The following NFYB variants were observed in gnomAD, a reference collection of about 807,000 sequenced individuals.
NFYB encodes CAAT box DNA-binding protein subunit B.
In NFYB, 13 loss-of-function variants were observed where a neutral mutation model predicts 28.0. That is an observed-to-expected ratio of 0.46 (90% CI 0.30 to 0.74). The LOEUF (loss-of-function observed/expected upper bound fraction) is 0.74. NFYB is among the 30% of genes least tolerant of loss of function. The pLI is 0.07. For synonymous variants in NFYB, 74 were observed against 75.0 expected, an observed-to-expected ratio of 0.99 and a Z score of 0.07; for missense variants, 142 against 247.6, an observed-to-expected ratio of 0.57 and a Z score of 2.86.
At chr12:104,131,165 G>C (rs892354669) in intron 2 of NFYB, 1 of 152,254 alleles carries the variant, frequency 6.6e-6, no homozygotes, top group South Asian at 2.1e-4. Context: ...TGGACTAACA[G>C]CATTAGCCTC....
At chr12:104,128,676 T>C (rs2030814712) in intron 2 of NFYB, 159 bp from the exon 3 acceptor site, 2 of 410,382 alleles carry the variant, frequency 4.9e-6, no homozygotes, top group South Asian at 6.4e-5. Context: ...AAAAATTAAT[T>C]ATTTTTTTGA....
At chr12:104,136,781 T>C (rs778835557) in intron 1 of NFYB, among the ~76,000 whole-genome samples, 2 of 152,184 alleles carry the variant, frequency 1.3e-5, no homozygotes, top group South Asian at 4.1e-4. Flanking sequence ...TATATTTTCT[T>C]AAGGGCAGGT....
chr12:104,120,516 C>A, intron 6 of NFYB, 37 bp from the exon 7 acceptor site: 5 of 1,399,076 alleles, frequency 3.6e-6, no homozygotes, highest in Non-Finnish European at 5.1e-6. Context: ...GGGAAATGAA[C>A]TATATCTACT....
At chr12:104,136,859 C>T (rs1466527355) in intron 1 of NFYB, among the ~76,000 whole-genome samples, 1 of 152,150 alleles carries the variant, frequency 6.6e-6, no homozygotes, top group Admixed American at 6.5e-5. Context: ...AAATTTGTAT[C>T]CAAGAAAAGC....
At chr12:104,136,301 T>G (rs1293375007) in intron 1 of NFYB, among the ~76,000 whole-genome samples, 1 of 152,140 alleles carries the variant, frequency 6.6e-6, no homozygotes, top group African/African-American at 2.4e-5. Context: ...AGGGGTAGGA[T>G]GCCAAAACAA....
At chr12:104,128,723 G>C in intron 2 of NFYB, 1 of 265,568 alleles carries the variant, frequency 3.8e-6, no homozygotes, top group South Asian at 5.0e-5. Flanking sequence ...CTGGAGTGCA[G>C]TGGCGTGATC....
In NFYB at chr12:104,135,499, A is replaced by T; in HGVS notation, c.-46T>A. 1 of 1,539,868 alleles carries T rather than the reference A, an allele frequency of 6.5e-7. No homozygotes were observed. The highest frequency in any genetic ancestry group is 8.8e-7 in the Non-Finnish European group (1 of 1,141,928). On this transcript the variant is annotated 5_prime_UTR_variant, in exon 2 of 8. Transcript: ENST00000240055. Reference sequence around the variant, plus strand: ...TTGTCAGTGGTGCTGAAGAACACCTATCTAAAAAGGTGTCTAATCTTTGTG... The same window carrying T: ...TTGTCAGTGGTGCTGAAGAACACCTTTCTAAAAAGGTGTCTAATCTTTGTG...
At chr12:104,137,801 G>C (rs1160716822) in intron 1 of NFYB, 1 of 147,432 alleles carries the variant, frequency 6.8e-6, no homozygotes, top group Non-Finnish European at 1.5e-5. Context: ...ACGCCGTCGA[G>C]AGCGGGGCCC....
At chr12:104,131,343 A>T (rs764898642) in intron 2 of NFYB, 1 of 170,040 alleles carries the variant, frequency 5.9e-6, no homozygotes, top group Non-Finnish European at 1.3e-5. Context: ...CATCTGCTTA[A>T]CTGTATGTGT....
intron 5 of NFYB, among the ~76,000 whole-genome samples, chr12:104,122,585 C>T (rs748029686): frequency 2.0e-5 from 3 of 152,146 alleles, no homozygotes; most frequent in Non-Finnish European, 2.9e-5. Context: ...TTGTGAACTG[C>T]GCATGCAAGG....
At chr12:104,137,506 T>C (rs563536349) in intron 1 of NFYB, 50 of 152,142 alleles carry the variant, frequency 3.3e-4, no homozygotes, top group Non-Finnish European at 6.5e-4. Flanking sequence ...CCCCACGGCC[T>C]GGTCCCGGCG....
At chr12:104,132,630 G>A (rs2030966179) in intron 2 of NFYB, among the ~76,000 whole-genome samples, 1 of 152,212 alleles carries the variant, frequency 6.6e-6, no homozygotes, top group Non-Finnish European at 1.5e-5. Context: ...GACTGATAGA[G>A]ATACAGGAAG....
intron 3 of NFYB, 131 bp downstream of exon 3, chr12:104,128,293 C>T (rs1029457037): frequency 3.8e-6 from 2 of 526,836 alleles, no homozygotes; most frequent in Non-Finnish European, 6.6e-6. Context: ...TAGACTTTCT[C>T]ATTGAACCGT....
At chr12:104,123,520 CTTTAT>C (rs1263652289) in intron 4 of NFYB, 97 bp from the exon 5 acceptor site, 1 of 873,832 alleles carries the variant, frequency 1.1e-6, no homozygotes, top group Non-Finnish European at 1.8e-6. Context: ...CACATCTTCA[CTTTAT>C]GACTATTTAA....
chr12:104,135,758 C>A lies in NFYB; in HGVS notation c.-79-226G>T, dbSNP rs564757135. Among the ~76,000 whole-genome samples the A allele has an allele frequency of 9.9e-5, 15 of 152,204 alleles. No individual in the cohort carries two copies. In the South Asian group the frequency reaches 1.9e-3, roughly 19 times the overall value. On this transcript the variant is annotated intron_variant, in intron 1 of 7. Coordinates refer to ENST00000240055, the MANE Select transcript of NFYB (RefSeq NM_006166.4). ...TGGAGAACTTAAAAACAAGTTAATT[C>A]CATGGGGAAAGGAGAAAATGGATTT...
rs1565821323 is a variant in NFYB at position 104,118,444 on chromosome 12, T to G, written c.*1293A>C. 1 of 152,608 alleles carries G rather than the reference T, an allele frequency of 6.6e-6. No individual in the cohort carries two copies. The highest frequency in any genetic ancestry group is 2.4e-5 in the African/African-American group (1 of 41,440). The allele number at this position is 152,608 out of a possible 1,614,324, so 9.5% of individuals were successfully genotyped here. On this transcript the variant is annotated 3_prime_UTR_variant, in exon 8 of 8. Transcript: ENST00000240055. ...CAGCCTATATCTGGGAAATTGCTTC[T>G]ACCTTATAAATTTGAGTGTCCTTCA...
Position 104,128,427 on chromosome 12 carries a change from C to A in NFYB, c.97G>T (p.Asp33Tyr). ...GGSHYVIQPH[D>Y]DTEDSMNDHE... ...GTTCTAATTGTGGCTTGCTTACCAT[C>A]ATGAGGCTGTATAACATAATGACTT... Residue 33 changes from aspartate (D) to tyrosine (Y), a missense_variant, in exon 3 of 8, where the codon GAT becomes TAT. Transcript: ENST00000240055. 6.2e-7 allele frequency: 1 copy of A among 1,603,182 alleles called. No individual in the cohort carries two copies.
chr12:104,123,220 A>G lies in NFYB; in HGVS notation c.429+6T>C. On this transcript the variant is annotated splice_donor_region_variant and intron_variant, in intron 5 of 7. Transcript: ENST00000240055. ...AAAAAAGCACAATGGGAGATATTTT[A>G]TTTACCTCTCTGAATTTCTGAAGGT... The G allele has an allele frequency of 6.3e-7, 1 of 1,598,000 alleles. No individual in the cohort carries two copies. Among genetic ancestry groups the G allele is most frequent in the South Asian group, 1.1e-5 (1 of 88,020 alleles).
chr12:104,124,703 T>C (rs769042007), intron 4 of NFYB, among the ~76,000 whole-genome samples: 1 of 152,242 alleles, frequency 6.6e-6, no homozygotes, highest in Non-Finnish European at 1.5e-5. Context: ...CAAAATCTGG[T>C]GTTTCAAATT....
Sources: allele counts gnomAD v4.1 joint callset (sites outside exome capture counted in the v4.1 genomes callset), GRCh38; gene constraint gnomAD v4.1.1; transcripts MANE v1.5; gene names NCBI Gene and HGNC (gene_info 2026-07-23, HGNC 2026-07-21).